KLF15: variants seen among roughly 807,000 people sequenced by gnomAD.
The protein encoded by KLF15 is KLF transcription factor 15.
Under a neutral mutation model 24.6 loss-of-function variants are expected in KLF15, and 4 were observed. The ratio of observed to expected loss-of-function variants is 0.16; its 90% CI spans 0.08 to 0.37. The LOEUF (loss-of-function observed/expected upper bound fraction) is 0.37, where lower values mean the gene tolerates loss of function less well. KLF15 is among the 10% of genes least tolerant of loss of function. The pLI, the probability that KLF15 is intolerant of heterozygous loss-of-function variation, is 1.00. For synonymous variants in KLF15, 246 were observed against 236.3 expected (o/e 1.04, Z -0.37); for missense variants, 496 against 560.6 (o/e 0.88, Z 1.16).
rs70940816 is a variant in KLF15, at chr3:126,343,461, GGAAGGCAC to G, written c.*258_*265del. The G allele has an allele frequency of 1.9e-4, 82 of 426,316 alleles. No individual in the cohort carries two copies. Among genetic ancestry groups the G allele is most frequent in the African/African-American group, 4.5e-4 (21 of 47,168 alleles). The allele number at this position is 426,316 out of a possible 1,614,324, so 26.4% of individuals were successfully genotyped here. ...CTGCAGCAGAGGCCTGGCCACCGCG[GGAAGGCAC>G]GAAGGCACGAAGGCACGAAGGCCTG... On this transcript the variant is annotated 3_prime_UTR_variant, in exon 3 of 3. Coordinates refer to ENST00000296233, the MANE Select transcript of KLF15 (RefSeq NM_014079.4).
At chr3:126,339,166 G>A (rs2082461028), downstream of KLF15, among the ~76,000 whole-genome samples, 1 of 152,164 alleles carries the variant, frequency 6.6e-6, no homozygotes, top group South Asian at 2.1e-4. Context: ...GGGCCCGGCT[G>A]TTTGGGGCAC....
chr3:126,349,047 G>A (rs1320744646), intron 2 of KLF15, among the ~76,000 whole-genome samples: 3 of 152,064 alleles, frequency 2.0e-5, no homozygotes, highest in Admixed American at 6.6e-5. Context: ...GCCCCAAAGC[G>A]GGGTCCATCC....
the KLF15 span, among the ~76,000 whole-genome samples, chr3:126,314,529 G>A: frequency 2.0e-5 from 3 of 152,240 alleles, no homozygotes; most frequent in East Asian, 1.9e-4. Flanking sequence ...GTGTTCCCAG[G>A]TTCCTCCCAT....
chr3:126,306,734 C>T, the KLF15 span, among the ~76,000 whole-genome samples: 1 of 152,248 alleles, frequency 6.6e-6, no homozygotes, highest in Non-Finnish European at 1.5e-5. Context: ...GAGAGGCCCA[C>T]TGGGAGGTTG....
chr3:126,297,242 A>G, the KLF15 span, among the ~76,000 whole-genome samples: 1 of 151,966 alleles, frequency 6.6e-6, no homozygotes, highest in African/African-American at 2.4e-5. Flanking sequence ...TAACAGCCTT[A>G]TTCATCTTTA....
At chr3:126,314,014 T>C in the KLF15 span, among the ~76,000 whole-genome samples, 2 of 152,190 alleles carry the variant, frequency 1.3e-5, no homozygotes, top group Non-Finnish European at 2.9e-5. Flanking sequence ...GCAACAGCAG[T>C]TGATGAGGTG....
At chr3:126,314,841 A>T in the KLF15 span, among the ~76,000 whole-genome samples, 1 of 152,204 alleles carries the variant, frequency 6.6e-6, no homozygotes, top group Non-Finnish European at 1.5e-5. Context: ...GTAAAGAAAG[A>T]CAGACAGCCA....
chr3:126,344,016 A>C (rs1041669065), intron 2 of KLF15, 121 bp from the exon 3 acceptor site: 1 of 981,086 alleles, frequency 1.0e-6, no homozygotes, highest in Non-Finnish European at 1.4e-6. Context: ...GGCTGCGCAG[A>C]CCTGCAGCCT....
chr3:126,351,995 G>C lies in KLF15; in HGVS notation c.928C>G (p.Pro310Ala). 1 of 1,577,486 alleles carries C rather than the reference G, an allele frequency of 6.3e-7. No individual in the cohort carries two copies. The highest frequency in any genetic ancestry group is 8.6e-7 in the Non-Finnish European group (1 of 1,161,784). Reference protein sequence around the residue: ...PAGLLMGQKFPKNPAAELIKM... With the variant: ...PAGLLMGQKFAKNPAAELIKM... ...ATGAGTTCTGCGGCTGGGTTCTTGG[G>C]GAACTTCTGGCCCATGAGGAGACCG... The change falls in exon 2 of 3, where the codon CCC (proline) becomes GCC (alanine). Residue 310 changes from proline (P) to alanine (A), a missense_variant. Pro to Ala is a conservative substitution (Grantham distance 27). Around this residue, in one of 3 missense-constraint regions of KLF15, gnomAD observed 399 missense variants for 423.1 expected, o/e 0.94. Transcript: ENST00000296233.
At chr3:126,317,300 A>C in the KLF15 span, among the ~76,000 whole-genome samples, 1 of 152,192 alleles carries the variant, frequency 6.6e-6, no homozygotes, top group African/African-American at 2.4e-5. Context: ...CTCACACCCC[A>C]GAATGTCAGG....
chr3:126,330,493 C>T, the KLF15 span, among the ~76,000 whole-genome samples: 12 of 152,058 alleles, frequency 7.9e-5, no homozygotes, highest in South Asian at 4.1e-4. Flanking sequence ...ACATCATATG[C>T]GATAAAAGTC....
At chr3:126,344,246 G>T (rs1298712406) in intron 2 of KLF15, among the ~76,000 whole-genome samples, 1 of 151,842 alleles carries the variant, frequency 6.6e-6, no homozygotes, top group Non-Finnish European at 1.5e-5. Context: ...TTTTTTTAGA[G>T]ACCAGGCCTC....
chr3:126,342,205 A>G (rs1395506957), downstream of KLF15, among the ~76,000 whole-genome samples: 2 of 152,242 alleles, frequency 1.3e-5, no homozygotes, highest in African/African-American at 4.8e-5. Context: ...TGGCACAGCC[A>G]CGTTCCTAAG....
the KLF15 span, among the ~76,000 whole-genome samples, chr3:126,298,930 T>C: frequency 6.6e-6 from 1 of 152,178 alleles, no homozygotes; most frequent in East Asian, 1.9e-4. Flanking sequence ...TTCTGCTTAG[T>C]ATTGCTTCAG....
chr3:126,326,533 G>A, the KLF15 span, among the ~76,000 whole-genome samples: 1 of 152,260 alleles, frequency 6.6e-6, no homozygotes, highest in Non-Finnish European at 1.5e-5. Flanking sequence ...TGATGATACA[G>A]GTTGTAGCTG....
At chr3:126,304,603 A>G in the KLF15 span, among the ~76,000 whole-genome samples, 307 of 152,330 alleles carry the variant, frequency 2.0e-3, 2 homozygotes, top group Non-Finnish European at 3.7e-3. Flanking sequence ...AATGCTCTCG[A>G]GGCAATAAGT....
In KLF15 at chr3:126,352,605, C is replaced by T; in HGVS notation, c.318G>A (p.Gly106=). The change falls in exon 2 of 3, where the codon GGG becomes GGA. Residue 106 remains glycine (G), a synonymous_variant. Transcript: ENST00000296233. Reference sequence around the variant, plus strand: ...CAGGGGCCGCTGCCCTTCGCCAGGGCCCCCAGGCCACGGGGCCACTGCTGG... The same window carrying T: ...CAGGGGCCGCTGCCCTTCGCCAGGGTCCCCAGGCCACGGGGCCACTGCTGG... The part of the protein sequence containing the change: ...IGASSGPVAW[G]PWRRAAAPVK... 1.2e-6 allele frequency: 2 copies of T among 1,610,198 alleles called. No individual in the cohort carries two copies. Among genetic ancestry groups the T allele is most frequent in the East Asian group, 2.2e-5 (1 of 44,806 alleles).
intron 2 of KLF15, 114 bp downstream of exon 2, chr3:126,351,718 GCCCCTCCCT>G: frequency 1.9e-6 from 2 of 1,066,484 alleles, no homozygotes; most frequent in Non-Finnish European, 2.7e-6. Flanking sequence ...GCACCCGCCT[GCCCCTCCCT>G]CCCCTCCCTC....
the KLF15 span, among the ~76,000 whole-genome samples, chr3:126,303,720 CT>C: frequency 6.7e-5 from 10 of 149,788 alleles, no homozygotes; most frequent in Admixed American, 6.6e-4. Context: ...CTTTATATAT[CT>C]TTTTTTTTAA....
Sources: gnomAD v4.1 joint callset for allele counts (sites outside exome capture counted in the v4.1 genomes callset) on GRCh38, gnomAD v4.1.1 for gene constraint, gnomAD v4.1.1 regional missense constraint, MANE v1.5 for transcripts, NCBI Gene and HGNC (gene_info 2026-07-23, HGNC 2026-07-21) for gene names.